PRRT3: variants seen among roughly 807,000 people sequenced by gnomAD.
PRRT3 encodes the protein proline-rich transmembrane protein 3.
A neutral mutation model predicts 56.6 loss-of-function variants in PRRT3; 48 were observed. That is an observed-to-expected ratio of 0.85 (90% confidence interval 0.67 to 1.08). The LOEUF is 1.08. Ranked by LOEUF, PRRT3 falls within the 50% of genes least tolerant of loss-of-function variation. The pLI is 0.00. For missense variants in PRRT3, 1,370 were observed against 1,353.1 expected, an observed-to-expected ratio of 1.01 and a Z score of -0.20; for synonymous variants, 641 against 619.1, an observed-to-expected ratio of 1.04 and a Z score of -0.52.
chr3:9,947,862 G>C lies in PRRT3; in HGVS notation c.1311C>G (p.Thr437=). Residue 437 remains threonine (T), a synonymous_variant, in exon 4 of 4, where the codon ACC becomes ACG. Transcript: ENST00000412055. This position sits in a 1 kb window ranked among gnomAD's most constrained non-coding sequence, Gnocchi z 9.2. ...CTGGGGCTGAAGCCATGGAGCTGGC[G>C]GTGGGCTCCGGAGGGGGAGGCTGGC... ...ALGQPPPPEP[T]ASSMASAPAS... is the part of the protein sequence containing the mutation. 7.0e-7 allele frequency: 1 copy of C among 1,428,416 alleles called. No homozygotes were observed. The highest frequency in any genetic ancestry group is 2.7e-5 in the East Asian group (1 of 36,958). The allele number at this position is 1,428,416 out of a possible 1,614,324, so 88.5% of individuals were successfully genotyped here.
intron 3 of PRRT3, chr3:9,948,255 C>T: frequency 2.6e-6 from 1 of 384,220 alleles, no homozygotes; most frequent in South Asian, 1.4e-4. Context: ...AGCAGTTCGA[C>T]ACATGGGCTG....
chr3:9,947,704 A>G lies in PRRT3; in HGVS notation c.1469T>C (p.Leu490Pro). ...VLFLLPALLA[L>P]AALAAAPAGP... The stretch of plus-strand genomic sequence containing the variant: ...TGCTGGGGCGGCTGCCAGCGCAGCC[A>G]GCGCCAACAACGCGGGCAGCAGAAA... The change falls in exon 4 of 4, where the codon CTG becomes CCG. Residue 490 changes from leucine to proline, a missense_variant. Physicochemically the swap from Leu to Pro is moderately conservative, Grantham distance 98. Coordinates refer to ENST00000412055, the MANE Select transcript of PRRT3 (RefSeq NM_207351.5). The surrounding 1 kb of genome is among the most constrained non-coding windows in gnomAD (Gnocchi z 9.2). The G allele has an allele frequency of 4.5e-6, 7 of 1,569,852 alleles. No individual in the cohort carries two copies. The highest frequency in any genetic ancestry group is 6.0e-6 in the Non-Finnish European group (7 of 1,161,150).
Position 9,949,097 on chromosome 3 carries a change from C to A in PRRT3, c.1015+4G>T, listed in dbSNP as rs748540078. 182 of 1,591,908 alleles carry A rather than the reference C, an allele frequency of 1.1e-4. No individual in the cohort carries two copies. The South Asian group carries it at 1.2e-3, about 10-fold the overall frequency. On this transcript the variant is annotated splice_donor_region_variant and intron_variant, in intron 2 of 3. Transcript: ENST00000412055. This position sits in a 1 kb window ranked among gnomAD's most constrained non-coding sequence, Gnocchi z 4.5. ...CATCGCTCAGCACACTCATTGATAC[C>A]CACCTGGCTTAGACGGCCGATCAGG...
In PRRT3 at chr3:9,946,671, G is replaced by A; in HGVS notation, c.2502C>T (p.Cys834=). The change falls in exon 4 of 4, where the codon TGC becomes TGT. Residue 834 remains cysteine (C), a synonymous_variant. Coordinates refer to ENST00000412055, the MANE Select transcript of PRRT3 (RefSeq NM_207351.5). The surrounding 1 kb of genome is among the most constrained non-coding windows in gnomAD (Gnocchi z 4.1). ...GCGGGGAGGCCAGGCCGCGGAGGCC[G>A]CAGCGCTGGAACACACTGTCTCGCA... is the stretch of plus-strand genomic sequence containing the variant. ...HLVRDSVFQR[C]GLRGLASPPP... 1 of 1,409,392 alleles carries A rather than the reference G, an allele frequency of 7.1e-7. No homozygotes were observed. Among genetic ancestry groups the A allele is most frequent in the Admixed American group, 3.3e-5 (1 of 29,980 alleles). 87.3% of individuals were successfully genotyped at this position (1,409,392 alleles called of 1,614,324 possible).
chr3:9,947,673 G>GCGAGCGCCCATGTCA lies in PRRT3; in HGVS notation c.1499_1500insTGACATGGGCGCTCG (p.Pro500_Arg501insAspMetGlyAlaArg). 6.4e-7 allele frequency: 1 copy of GCGAGCGCCCATGTCA among 1,566,392 alleles called. No homozygotes were observed. The highest frequency in any genetic ancestry group is 8.6e-7 in the Non-Finnish European group (1 of 1,158,934). ...GCACCGCGGCCACCAATGCCAGCCG[G>GCGAGCGCCCATGTCA]GGCCCTGCTGGGGCGGCTGCCAGCG... On this transcript the variant is annotated inframe_insertion, in exon 4 of 4. Coordinates refer to ENST00000412055, the MANE Select transcript of PRRT3 (RefSeq NM_207351.5). This position sits in a 1 kb window ranked among gnomAD's most constrained non-coding sequence, Gnocchi z 9.2.
chr3:9,946,342 G>T lies in PRRT3; in HGVS notation c.2831C>A (p.Pro944Gln). ...LPSTVQLLPAPTPAPDSTAAR... is the reference protein window; with the variant it reads ...LPSTVQLLPAQTPAPDSTAAR... Reference sequence around the variant, plus strand: ...GGCGGTAGAATCAGGGGCTGGGGTCGGGGCAGGCAGTAGCTGTACCGTGCT... The same window carrying T: ...GGCGGTAGAATCAGGGGCTGGGGTCTGGGCAGGCAGTAGCTGTACCGTGCT... The change falls in exon 4 of 4, where the codon CCG becomes CAG. Residue 944 changes from proline (P) to glutamine (Q), a missense_variant. Transcript: ENST00000412055. This position sits in a 1 kb window ranked among gnomAD's most constrained non-coding sequence, Gnocchi z 4.1. The T allele has an allele frequency of 6.2e-7, 1 of 1,611,988 alleles. No individual in the cohort carries two copies. The highest frequency in any genetic ancestry group is 8.5e-7 in the Non-Finnish European group (1 of 1,179,426).
In PRRT3 at chr3:9,949,011, GA is replaced by G; in HGVS notation, c.1015+89del. On this transcript the variant is annotated intron_variant, in intron 2 of 3. Transcript: ENST00000412055. The surrounding 1 kb of genome is among the most constrained non-coding windows in gnomAD (Gnocchi z 4.5). ...AATCAACCTCATTTGCCACAAAGAG[GA>G]AAATGAGACCTAGAGGGACCCAGGG... 1 of 1,516,372 alleles carries G rather than the reference GA, an allele frequency of 6.6e-7. No homozygotes were observed. 93.9% of individuals were successfully genotyped at this position (1,516,372 alleles called of 1,614,324 possible).
chr3:9,947,016 C>T lies in PRRT3; in HGVS notation c.2157G>A (p.Ala719=), dbSNP rs2124877102. ...HACWAKLMRL[A]CPAPSGKSEV... is the part of the protein sequence containing the mutation. The stretch of plus-strand genomic sequence containing the variant: ...CGCTCTTTCCTGACGGCGCCGGGCA[C>T]GCCAGACGCATCAGCTTAGCCCAGC... The change falls in exon 4 of 4, where the codon GCG becomes GCA. Residue 719 remains alanine (A), a synonymous_variant. Coordinates refer to ENST00000412055, the MANE Select transcript of PRRT3 (RefSeq NM_207351.5). This position sits in a 1 kb window ranked among gnomAD's most constrained non-coding sequence, Gnocchi z 9.2. 2 of 1,540,924 alleles carry T rather than the reference C, an allele frequency of 1.3e-6. No homozygotes were observed. Among genetic ancestry groups the T allele is most frequent in the Non-Finnish European group, 1.7e-6 (2 of 1,148,226 alleles).
rs973461997 is a variant in PRRT3 at position 9,946,921 on chromosome 3, C to T, written c.2252G>A (p.Ser751Asn). The change falls in exon 4 of 4, where the codon AGC (serine) becomes AAC (asparagine). Residue 751 changes from serine (S) to asparagine (N), a missense_variant. Transcript: ENST00000412055. This position sits in a 1 kb window ranked among gnomAD's most constrained non-coding sequence, Gnocchi z 4.1. ...SNVGAGSLDI[S>N]KSLIRNPAES... ...CGCCGGGTTGCGGATGAGGCTCTTG[C>T]TGATGTCCAAGCTGCCTGCACCAAC... 9 of 1,540,236 alleles carry T rather than the reference C, an allele frequency of 5.8e-6. No individual in the cohort carries two copies. The African/African-American group carries it at 1.1e-4, about 19-fold the overall frequency.
intron 1 of PRRT3, among the ~76,000 whole-genome samples, chr3:9,951,412 G>A (rs775879659): frequency 3.9e-5 from 6 of 152,146 alleles, no homozygotes; most frequent in Admixed American, 6.5e-5. Flanking sequence ...AAAACCCCTG[G>A]TGCTCTCCCG....
rs2085522604 is a variant in PRRT3 at position 9,946,466 on chromosome 3, A to T, written c.2707T>A (p.Ser903Thr). 1 of 1,564,570 alleles carries T rather than the reference A, an allele frequency of 6.4e-7. No homozygotes were observed. The highest frequency in any genetic ancestry group is 1.9e-5 in the Admixed American group (1 of 52,394). Residue 903 changes from serine (S) to threonine (T), a missense_variant, in exon 4 of 4, where the codon TCC becomes ACC. By Grantham distance (58) the Ser-to-Thr change is moderately conservative. Transcript: ENST00000412055. The surrounding 1 kb of genome is among the most constrained non-coding windows in gnomAD (Gnocchi z 4.1). ...DGAAAAASGS[S>T]LDSFSRGSLK... ...GAACCCCTGGAGAAGCTGTCGAGGG[A>T]GCTGCCAGAAGCCGCAGCGGCTGCC...
chr3:9,946,548 G>C lies in PRRT3; in HGVS notation c.2625C>G (p.Leu875=). 6.9e-7 allele frequency: 1 copy of C among 1,443,644 alleles called. No individual in the cohort carries two copies. The highest frequency in any genetic ancestry group is 1.4e-5 in the South Asian group (1 of 69,966). 89.4% of individuals were successfully genotyped at this position (1,443,644 alleles called of 1,614,324 possible). ...SSLLRGRCRS[L]SDVRVRGPVP... ...CCGGCCCGCGCACGCGCACGTCGCT[G>C]AGCGACCTGCAGCGGCCGCGGAGGA... Residue 875 remains leucine, a synonymous_variant, in exon 4 of 4, where the codon CTC becomes CTG. Transcript: ENST00000412055. This position sits in a 1 kb window ranked among gnomAD's most constrained non-coding sequence, Gnocchi z 4.1.
rs746321549 is a variant in PRRT3, at chr3:9,947,614, T to C, written c.1559A>G (p.Tyr520Cys). ...CGAGCCGTAAGGGTCGGTAAGCATG[T>C]AGGCGGATCGCAGCGCCGAAGCCAC... ...VLVASALRSAYMLTDPYGSQA... is the reference protein window; with the variant it reads ...VLVASALRSACMLTDPYGSQA... The change falls in exon 4 of 4, where the codon TAC (tyrosine) becomes TGC (cysteine). Residue 520 changes from tyrosine to cysteine, a missense_variant. Tyr to Cys is a radical substitution (Grantham distance 194). Coordinates refer to ENST00000412055, the MANE Select transcript of PRRT3 (RefSeq NM_207351.5). The surrounding 1 kb of genome is among the most constrained non-coding windows in gnomAD (Gnocchi z 9.2). 3 of 1,592,230 alleles carry C rather than the reference T, an allele frequency of 1.9e-6. No homozygotes were observed. Among genetic ancestry groups the C allele is most frequent in the Middle Eastern group, 1.7e-4 (1 of 6,000 alleles).
Position 9,949,611 on chromosome 3 carries a change from G to A in PRRT3, c.505C>T (p.Pro169Ser). ...TGGCCTTCATGCTGCAGGGAGGGAGGAACTGTGGCTACCCTGAGTTGACGT... is the reference window on the plus strand; with the variant it reads ...TGGCCTTCATGCTGCAGGGAGGGAGAAACTGTGGCTACCCTGAGTTGACGT... The part of the protein sequence containing the change: ...PRRQLRVATV[P>S]PSLQHEGQEG... Residue 169 changes from proline to serine, a missense_variant, in exon 2 of 4, where the codon CCT becomes TCT. Coordinates refer to ENST00000412055, the MANE Select transcript of PRRT3 (RefSeq NM_207351.5). The surrounding 1 kb of genome is among the most constrained non-coding windows in gnomAD (Gnocchi z 4.5). The A allele has an allele frequency of 6.2e-7, 1 of 1,614,168 alleles. No homozygotes were observed. Among genetic ancestry groups the A allele is most frequent in the Middle Eastern group, 1.6e-4 (1 of 6,062 alleles).
At chr3:9,948,423 G>C in intron 3 of PRRT3, 1 of 430,106 alleles carries the variant, frequency 2.3e-6, no homozygotes, top group Admixed American at 4.2e-5. Context: ...TTGACCTCCA[G>C]GACAAGTGAT....
rs758111349 is a variant in PRRT3 at position 9,948,674 on chromosome 3, C to T, written c.1171+84G>A. The stretch of plus-strand genomic sequence containing the variant: ...GTGATTGTCTCCATTCATTCCCCAC[C>T]CTCCGCCCCCATACATCCCCAACAG... On this transcript the variant is annotated intron_variant, in intron 3 of 3. Coordinates refer to ENST00000412055, the MANE Select transcript of PRRT3 (RefSeq NM_207351.5). 2.6e-6 allele frequency: 4 copies of T among 1,522,514 alleles called. No homozygotes were observed. In the East Asian group the frequency reaches 6.8e-5, roughly 26 times the overall value. The allele number at this position is 1,522,514 out of a possible 1,614,324, so 94.3% of individuals were successfully genotyped here. A position where few individuals can be genotyped will look rare whatever the true frequency, so the allele number is the denominator to read the frequency against.
At chr3:9,948,520 C>T in intron 3 of PRRT3, 1 of 548,992 alleles carries the variant, frequency 1.8e-6, no homozygotes, top group South Asian at 2.7e-5. Flanking sequence ...TTGTTCTAAA[C>T]ATATCCATGT....
In PRRT3 at chr3:9,947,968, C is replaced by A; in HGVS notation, c.1205G>T (p.Ser402Ile). ...CTGGACTGGGGGTGCTGGGGGATGGCTTTGGGGGCGCCCCGGCCACTCCTC... is the reference window on the plus strand; with the variant it reads ...CTGGACTGGGGGTGCTGGGGGATGGATTTGGGGGCGCCCCGGCCACTCCTC... ...EAEEWPGRPQ[S>I]HPPAPPVQAP... The change falls in exon 4 of 4, where the codon AGC (serine) becomes ATC (isoleucine). Residue 402 changes from serine (S) to isoleucine (I), a missense_variant. Coordinates refer to ENST00000412055, the MANE Select transcript of PRRT3 (RefSeq NM_207351.5). The surrounding 1 kb of genome is among the most constrained non-coding windows in gnomAD (Gnocchi z 9.2). 2 of 1,364,008 alleles carry A rather than the reference C, an allele frequency of 1.5e-6. No individual in the cohort carries two copies. The highest frequency in any genetic ancestry group is 1.9e-6 in the Non-Finnish European group (2 of 1,060,596). The allele number at this position is 1,364,008 out of a possible 1,614,324, so 84.5% of individuals were successfully genotyped here.
rs909753867 is a variant in PRRT3 at position 9,946,584 on chromosome 3, A to C, written c.2589T>G (p.Ala863=). ...AGCGGCCGCGGAGGAGCGAGGAGCC[A>C]GCGTCGTCGAGCTCGGCTTTGGGAT... The part of the protein sequence containing the change: ...GSHPKAELDD[A]GSSLLRGRCR... Residue 863 remains alanine (A), a synonymous_variant, in exon 4 of 4, where the codon GCT becomes GCG. Transcript: ENST00000412055. The surrounding 1 kb of genome is among the most constrained non-coding windows in gnomAD (Gnocchi z 4.1). The C allele has an allele frequency of 7.1e-7, 1 of 1,403,174 alleles. No homozygotes were observed. The highest frequency in any genetic ancestry group is 9.2e-7 in the Non-Finnish European group (1 of 1,082,600). 86.9% of individuals were successfully genotyped at this position (1,403,174 alleles called of 1,614,324 possible).
Sources: gnomAD v4.1 joint callset for allele counts (sites outside exome capture counted in the v4.1 genomes callset) on GRCh38, gnomAD v4.1.1 for gene constraint, Gnocchi (gnomAD v3.1) non-coding constraint, MANE v1.5 for transcripts, NCBI Gene and HGNC (gene_info 2026-07-23, HGNC 2026-07-21) for gene names.